ADAMTS15: variants seen among roughly 807,000 people sequenced by gnomAD.
The protein encoded by ADAMTS15 is ADAM metallopeptidase with thrombospondin type 1 motif 15.
ADAMTS15 carries 35 observed loss-of-function variants against 79.1 expected under a neutral mutation model. The ratio of observed to expected loss-of-function variants is 0.44; its 90% CI spans 0.34 to 0.59. The LOEUF (loss-of-function observed/expected upper bound fraction) is 0.59. ADAMTS15 is among the 20% of genes least tolerant of loss of function. The probability of loss-of-function intolerance (pLI) is 0.02; values close to 1 mark genes in which losing one functional copy is unlikely to be tolerated. For synonymous variants in ADAMTS15, 616 were observed against 567.3 expected (o/e 1.09, Z -1.22); for missense variants, 1,324 against 1,318.7 (o/e 1.00, Z -0.06).
At chr11:130,464,092 C>T (rs1295169087) in intron 4 of ADAMTS15, among the ~76,000 whole-genome samples, 6 of 152,108 alleles carry the variant, frequency 3.9e-5, no homozygotes, top group Admixed American at 3.9e-4. Flanking sequence ...CTATGGGAAC[C>T]ATCTTCAGGA....
Position 130,461,554 on chromosome 11 carries a change from C to T in ADAMTS15, c.1023C>T (p.Pro341=). 2 of 1,614,186 alleles carry T rather than the reference C, an allele frequency of 1.2e-6. No individual in the cohort carries two copies. The highest frequency in any genetic ancestry group is 2.2e-5 in the South Asian group (2 of 91,086). The change falls in exon 2 of 8, where the codon CCC becomes CCT. Residue 341 remains proline, a synonymous_variant. Coordinates refer to ENST00000299164, the MANE Select transcript of ADAMTS15 (RefSeq NM_139055.4). ...CTGATGTGGGTACCATGTGTGACCC[C>T]AAGAGAAGCTGCTCTGTCATTGAGG... ...GMADVGTMCD[P]KRSCSVIEDD...
At position 130,473,733 on chromosome 11, in the gene ADAMTS15, G is replaced by A. The variant is rs1396237268; in HGVS notation, c.2765G>A (p.Gly922Asp). 3 of 1,599,578 alleles carry A rather than the reference G, an allele frequency of 1.9e-6. No homozygotes were observed. The Admixed American group carries it at 5.0e-5, about 27-fold the overall frequency. Residue 922 changes from glycine (G) to aspartate (D), a missense_variant, in exon 8 of 8, where the codon GGC becomes GAC. By Grantham distance (94) the Gly-to-Asp change is moderately conservative. Transcript: ENST00000299164. ...CAGAGGCGCTCACTCAAGTGTGTGG[G>A]CCACGGAGGCCGGCTGCTGGCCCGG... The part of the protein sequence containing the change: ...GFQRRSLKCV[G>D]HGGRLLARDQ...
intron 4 of ADAMTS15, among the ~76,000 whole-genome samples, chr11:130,465,130 C>T (rs954920734): frequency 4.6e-5 from 7 of 152,292 alleles, no homozygotes; most frequent in African/African-American, 1.7e-4. Context: ...TCACCTCTCT[C>T]CTCCCATTAC....
rs147148311 is a variant in ADAMTS15 at position 130,473,411 on chromosome 11, C to T, written c.2443C>T (p.Pro815Ser). ...GGACAAGTCCTCTCATCCCAAGGAC[C>T]CCCGGGGACCCTCTGTCTTGCACAA... Reference protein sequence around the residue: ...REDKSSHPKDPRGPSVLHNSV... With the variant: ...REDKSSHPKDSRGPSVLHNSV... Residue 815 changes from proline to serine, a missense_variant, in exon 8 of 8, where the codon CCC becomes TCC. Pro to Ser is a moderately conservative substitution (Grantham distance 74). Coordinates refer to ENST00000299164, the MANE Select transcript of ADAMTS15 (RefSeq NM_139055.4). The T allele has an allele frequency of 4.5e-3, 7,252 of 1,612,804 alleles. 31 individuals are homozygous for T. The highest frequency in any genetic ancestry group is 5.1e-3 in the Non-Finnish European group (5,964 of 1,180,000).
intron 1 of ADAMTS15, among the ~76,000 whole-genome samples, chr11:130,458,440 C>A (rs566483961): frequency 2.4e-4 from 36 of 152,266 alleles, no homozygotes; most frequent in Non-Finnish European, 4.4e-4. Context: ...TTTCTGAGAG[C>A]GAGTGCTGTC....
chr11:130,456,457 G>A (rs1048459909), intron 1 of ADAMTS15, among the ~76,000 whole-genome samples: 5 of 152,138 alleles, frequency 3.3e-5, no homozygotes, highest in African/African-American at 1.2e-4. Context: ...AACATTCTTC[G>A]TCACATTGCC....
At chr11:130,450,029 G>A in intron 1 of ADAMTS15, 99 bp downstream of exon 1, 1 of 1,522,392 alleles carries the variant, frequency 6.6e-7, no homozygotes, top group Non-Finnish European at 8.8e-7. Flanking sequence ...CAATGCCTCC[G>A]AGTTTAAACC....
At chr11:130,471,848 C>T (rs1565398998) in intron 7 of ADAMTS15, among the ~76,000 whole-genome samples, 2 of 152,230 alleles carry the variant, frequency 1.3e-5, no homozygotes, top group South Asian at 2.1e-4. Flanking sequence ...CCAAGTAACA[C>T]GGTTAGCATC....
intron 1 of ADAMTS15, among the ~76,000 whole-genome samples, chr11:130,452,302 A>G (rs1184846104): frequency 3.3e-5 from 5 of 152,240 alleles, no homozygotes; most frequent in Non-Finnish European, 1.5e-5. Flanking sequence ...GAATAAGTTC[A>G]TGGAGAAAAG....
At chr11:130,466,760 G>T (rs1170279092) in intron 4 of ADAMTS15, among the ~76,000 whole-genome samples, 1 of 152,184 alleles carries the variant, frequency 6.6e-6, no homozygotes, top group Non-Finnish European at 1.5e-5. Flanking sequence ...CTTTGCCCCG[G>T]CTCCCATTTC....
chr11:130,451,731 G>C (rs998287623), intron 1 of ADAMTS15, among the ~76,000 whole-genome samples: 6 of 152,220 alleles, frequency 3.9e-5, no homozygotes, highest in Non-Finnish European at 8.8e-5. Context: ...GGCTTCTGGA[G>C]TCAGCCCTAG....
Position 130,471,344 on chromosome 11 carries a change from A to G in ADAMTS15, c.2039A>G (p.Lys680Arg), listed in dbSNP as rs764750341. ...TGTGGGGTGTGTGGGGGAGACAATA[A>G]GAGCTGCAAGAAGGTGACTGGACTC... Reference protein sequence around the residue: ...DKCGVCGGDNKSCKKVTGLFT... With the variant: ...DKCGVCGGDNRSCKKVTGLFT... Residue 680 changes from lysine (K) to arginine (R), a missense_variant, in exon 7 of 8, where the codon AAG becomes AGG. Coordinates refer to ENST00000299164, the MANE Select transcript of ADAMTS15 (RefSeq NM_139055.4). 1 of 1,611,428 alleles carries G rather than the reference A, an allele frequency of 6.2e-7. No homozygotes were observed. Among genetic ancestry groups the G allele is most frequent in the Non-Finnish European group, 8.5e-7 (1 of 1,179,446 alleles).
intron 5 of ADAMTS15, among the ~76,000 whole-genome samples, chr11:130,470,206 ATATGTATATATATATATAT>A (rs1938421208): frequency 1.6e-5 from 1 of 64,024 alleles, no homozygotes; most frequent in African/African-American, 7.7e-5. Context: ...ATATATATAT[ATATGTATATATATATATAT>A]TTTCTGAGGT....
intron 1 of ADAMTS15, among the ~76,000 whole-genome samples, chr11:130,458,761 C>T (rs1938140405): frequency 2.6e-5 from 4 of 152,192 alleles, no homozygotes; most frequent in Admixed American, 2.6e-4. Flanking sequence ...ACACAGGGAG[C>T]AGTGAGTGTG....
chr11:130,464,970 GA>G (rs35175698), intron 4 of ADAMTS15, among the ~76,000 whole-genome samples: 52,855 of 133,812 alleles, frequency 0.39, 9,822 homozygotes, highest in Middle Eastern at 0.47. Flanking sequence ...CCATCTCAAG[GA>G]AAAAAAAAAA....
In ADAMTS15 at chr11:130,448,970, C is replaced by A. The variant is rs1432346738; in HGVS notation, c.-4C>A. 1.3e-6 allele frequency: 2 copies of A among 1,491,884 alleles called. No homozygotes were observed. Among genetic ancestry groups the A allele is most frequent in the Non-Finnish European group, 1.8e-6 (2 of 1,122,292 alleles). The allele number at this position is 1,491,884 out of a possible 1,614,324, so 92.4% of individuals were successfully genotyped here. On this transcript the variant is annotated 5_prime_UTR_variant, in exon 1 of 8. Transcript: ENST00000299164. ...CACAGCGCGGCGGTGCGCTGCCCGG[C>A]GCCATGCTTCTGCTGGGCATCCTAA... is the stretch of plus-strand genomic sequence containing the variant.
intron 7 of ADAMTS15, among the ~76,000 whole-genome samples, 157 bp downstream of exon 7, chr11:130,471,540 TTCAC>T (rs559036358): frequency 5.0e-4 from 76 of 152,258 alleles, no homozygotes; most frequent in African/African-American, 1.8e-3. Flanking sequence ...CTGCTAGTCC[TTCAC>T]TCACTCATTC....
At chr11:130,459,025 G>GTTTT (rs757221690) in intron 1 of ADAMTS15, among the ~76,000 whole-genome samples, 22 of 75,410 alleles carry the variant, frequency 2.9e-4, no homozygotes, top group African/African-American at 5.2e-4. Context: ...CCTCCCAAGT[G>GTTTT]TTTTTTTTTT....
chr11:130,469,356 C>A lies in ADAMTS15; in HGVS notation c.1637C>A (p.Pro546His). ...VQLARRQCTNPTPANGGKYCE... is the reference protein window; with the variant it reads ...VQLARRQCTNHTPANGGKYCE... ...CTGGCCAGGAGGCAGTGCACCAACC[C>A]CACCCCTGCCAACGGGGGCAAGTAC... is the stretch of plus-strand genomic sequence containing the variant. Residue 546 changes from proline (P) to histidine (H), a missense_variant, in exon 5 of 8, where the codon CCC (proline) becomes CAC (histidine). Coordinates refer to ENST00000299164, the MANE Select transcript of ADAMTS15 (RefSeq NM_139055.4). The A allele has an allele frequency of 7.4e-7, 1 of 1,358,782 alleles. No individual in the cohort carries two copies. Among genetic ancestry groups the A allele is most frequent in the Non-Finnish European group, 9.6e-7 (1 of 1,047,114 alleles). The allele number at this position is 1,358,782 out of a possible 1,614,324, so 84.2% of individuals were successfully genotyped here. A position where few individuals can be genotyped will look rare whatever the true frequency, so the allele number is the denominator to read the frequency against.
Sources: allele counts gnomAD v4.1 joint callset (sites outside exome capture counted in the v4.1 genomes callset), GRCh38; gene constraint gnomAD v4.1.1; transcripts MANE v1.5; gene names NCBI Gene and HGNC (gene_info 2026-07-23, HGNC 2026-07-21).